Variants in CRPPA observed in about 807,000 individuals in gnomAD.
The protein encoded by CRPPA is CDP-L-ribitol pyrophosphorylase A.
In CRPPA, 43 loss-of-function variants were observed where a neutral mutation model predicts 52.0. The observed-to-expected ratio is 0.83, with a 90% CI of 0.65 to 1.07. The LOEUF (loss-of-function observed/expected upper bound fraction) is 1.07, where lower values mean the gene tolerates loss of function less well. CRPPA is among the 50% of genes least tolerant of loss of function. CRPPA has a pLI of 0.00. For synonymous variants in CRPPA, 250 were observed against 203.5 expected, an observed-to-expected ratio of 1.23 and a Z score of -1.94; for missense variants, 629 against 551.7, an observed-to-expected ratio of 1.14 and a Z score of -1.40.
chr7:16,107,497 C>T (rs922355454), intron 9 of CRPPA, among the ~76,000 whole-genome samples: 1 of 151,544 alleles, frequency 6.6e-6, no homozygotes. Flanking sequence ...AAAAGACAAA[C>T]AACAAAGAAT....
intron 9 of CRPPA, among the ~76,000 whole-genome samples, chr7:16,135,196 A>C (rs1378024980): frequency 1.3e-5 from 2 of 152,196 alleles, no homozygotes; most frequent in Non-Finnish European, 2.9e-5. Context: ...AAAACTTTGC[A>C]AAGGTTTTTA....
chr7:16,311,371 C>T (rs191984509), intron 3 of CRPPA, among the ~76,000 whole-genome samples: 13 of 152,258 alleles, frequency 8.5e-5, no homozygotes, highest in Admixed American at 2.0e-4. Flanking sequence ...CTTGCAACCA[C>T]TCATCCTTTT....
intron 8 of CRPPA, among the ~76,000 whole-genome samples, chr7:16,217,002 A>G (rs1388268958): frequency 6.6e-6 from 1 of 151,946 alleles, no homozygotes; most frequent in Non-Finnish European, 1.5e-5. Flanking sequence ...ACAGACAAAC[A>G]AAAAGACAGC....
intron 9 of CRPPA, among the ~76,000 whole-genome samples, chr7:16,140,853 T>A (rs1782855625): frequency 6.6e-6 from 1 of 152,224 alleles, no homozygotes; most frequent in Non-Finnish European, 1.5e-5. Context: ...TATTCATTCA[T>A]TTATTGTTTA....
At chr7:16,113,354 T>C (rs1782305391) in intron 9 of CRPPA, among the ~76,000 whole-genome samples, 1 of 152,002 alleles carries the variant, frequency 6.6e-6, no homozygotes, top group Non-Finnish European at 1.5e-5. Context: ...ATGTCAAATA[T>C]ATATTTAATC....
At chr7:16,375,236 C>A (rs1013831970) in intron 3 of CRPPA, among the ~76,000 whole-genome samples, 1 of 152,138 alleles carries the variant, frequency 6.6e-6, no homozygotes, top group Admixed American at 6.5e-5. Flanking sequence ...ATCCTTATGG[C>A]CACTCTTCTA....
chr7:16,152,823 T>G (rs1256535486), intron 9 of CRPPA, among the ~76,000 whole-genome samples: 3 of 152,018 alleles, frequency 2.0e-5, no homozygotes, highest in Admixed American at 1.3e-4. Flanking sequence ...AAAAATCCTG[T>G]AATATATAAA....
chr7:16,091,835 A>C, intron 9 of CRPPA, 36 bp from the exon 10 acceptor site: 1 of 1,206,762 alleles, frequency 8.3e-7, no homozygotes. Context: ...TATTTTAGAA[A>C]AAACATATGC....
intron 9 of CRPPA, among the ~76,000 whole-genome samples, chr7:16,119,401 A>G (rs776316490): frequency 6.6e-6 from 1 of 152,140 alleles, no homozygotes; most frequent in Non-Finnish European, 1.5e-5. Context: ...AAAAAAATGC[A>G]AAACACCAAA....
At chr7:16,247,536 A>G (rs1783311770) in intron 8 of CRPPA, among the ~76,000 whole-genome samples, 1 of 152,200 alleles carries the variant, frequency 6.6e-6, no homozygotes, top group Admixed American at 6.5e-5. Flanking sequence ...AATATAAGAG[A>G]TCACTGATCA....
intron 9 of CRPPA, among the ~76,000 whole-genome samples, chr7:16,178,190 CTTATTTGTAAGA>C (rs1265168516): frequency 6.6e-6 from 1 of 151,948 alleles, no homozygotes; most frequent in South Asian, 2.1e-4. Context: ...AGGGGGAGTG[CTTATTTGTAAGA>C]TTCTGGCCCT....
chr7:16,302,490 A>C (rs919020681), intron 4 of CRPPA, among the ~76,000 whole-genome samples: 1 of 152,156 alleles, frequency 6.6e-6, no homozygotes, highest in Admixed American at 6.5e-5. Flanking sequence ...GCTGAAATAC[A>C]TAGTAAATAA....
intron 3 of CRPPA, among the ~76,000 whole-genome samples, chr7:16,317,491 G>A (rs1486332568): frequency 1.3e-5 from 2 of 152,132 alleles, no homozygotes; most frequent in Non-Finnish European, 2.9e-5. Context: ...GGGTTGCTCT[G>A]ACAATATGCA....
chr7:16,319,618 G>T (rs1385036004), intron 3 of CRPPA, among the ~76,000 whole-genome samples: 1 of 152,084 alleles, frequency 6.6e-6, no homozygotes, highest in Non-Finnish European at 1.5e-5. Flanking sequence ...TGGACAGACT[G>T]CCCAAAGAAA....
At chr7:16,397,740 C>A (rs17674339) in intron 2 of CRPPA, among the ~76,000 whole-genome samples, 24,063 of 152,226 alleles carry the variant, frequency 0.16, 2,164 homozygotes, top group Admixed American at 0.2. Context: ...ATGTGACTGA[C>A]GCGAATGACA....
intron 9 of CRPPA, among the ~76,000 whole-genome samples, chr7:16,099,427 G>T: frequency 7.2e-6 from 1 of 138,900 alleles, no homozygotes; most frequent in East Asian, 2.1e-4. Flanking sequence ...GGGGAGGGAA[G>T]GGGAGGGAAA....
At chr7:16,416,686 A>G (rs1431953974) in intron 1 of CRPPA, among the ~76,000 whole-genome samples, 16 of 151,584 alleles carry the variant, frequency 1.1e-4, no homozygotes, top group Admixed American at 1.1e-3. Context: ...AAATACAAAA[A>G]AAAAAATTAT....
chr7:16,361,791 T>G (rs937000860), intron 3 of CRPPA, among the ~76,000 whole-genome samples: 3 of 152,230 alleles, frequency 2.0e-5, no homozygotes, highest in African/African-American at 4.8e-5. Flanking sequence ...TTAATGTCAC[T>G]GAACCACACG....
At chr7:16,248,395 A>C (rs957322555) in intron 8 of CRPPA, among the ~76,000 whole-genome samples, 5 of 152,090 alleles carry the variant, frequency 3.3e-5, no homozygotes, top group African/African-American at 1.2e-4. Flanking sequence ...GTGGAGGGGG[A>C]CAGAGAGAGA....
Sources: allele counts gnomAD v4.1 joint callset (sites outside exome capture counted in the v4.1 genomes callset), GRCh38; gene constraint gnomAD v4.1.1; transcripts MANE v1.5; gene names NCBI Gene and HGNC (gene_info 2026-07-23, HGNC 2026-07-21).